The following ADGRF5 variants were observed in gnomAD, a reference collection of about 807,000 sequenced individuals.
ADGRF5 encodes G-protein coupled receptor 116.
A neutral mutation model predicts 132.3 loss-of-function variants in ADGRF5; 75 were observed. The observed-to-expected ratio is 0.57, with a 90% CI of 0.47 to 0.69. The LOEUF is 0.69. Among genes scored for constraint, ADGRF5 ranks in the 30% least tolerant of loss-of-function variants. The pLI, the probability that ADGRF5 is intolerant of heterozygous loss-of-function variation, is 0.00. For missense variants in ADGRF5, 1,516 were observed against 1,630.6 expected, an observed-to-expected ratio of 0.93 and a Z score of 1.21; for synonymous variants, 629 against 597.6, an observed-to-expected ratio of 1.05 and a Z score of -0.77.
At chr6:46,877,126 AT>A (rs1271413879) in intron 10 of ADGRF5, among the ~76,000 whole-genome samples, 1 of 152,260 alleles carries the variant, frequency 6.6e-6, no homozygotes, top group Non-Finnish European at 1.5e-5. Context: ...TGACTAGCTC[AT>A]TCCAGTGCTG....
chr6:46,857,464 G>A (rs556900225), intron 17 of ADGRF5, among the ~76,000 whole-genome samples: 1 of 152,140 alleles, frequency 6.6e-6, no homozygotes, highest in Admixed American at 6.5e-5. Context: ...TCTCCATTGG[G>A]TGAAACAGAA....
chr6:46,939,275 G>T (rs1482327509), intron 1 of ADGRF5, among the ~76,000 whole-genome samples: 3 of 152,130 alleles, frequency 2.0e-5, no homozygotes, highest in Admixed American at 6.6e-5. Context: ...AACATGGTTC[G>T]TTGAGTGGCC....
chr6:46,922,370 G>A (rs1250161002), upstream of ADGRF5, among the ~76,000 whole-genome samples: 3 of 152,200 alleles, frequency 2.0e-5, no homozygotes, highest in Non-Finnish European at 4.4e-5. Flanking sequence ...CCCCGCGGGA[G>A]GGCTGTACCT....
chr6:46,865,307 G>A, intron 13 of ADGRF5, 110 bp from the exon 14 acceptor site: 1 of 723,806 alleles, frequency 1.4e-6, no homozygotes, highest in South Asian at 1.9e-5. Context: ...CCCGAGGAAT[G>A]TGCCACATTC....
intron 1 of ADGRF5, among the ~76,000 whole-genome samples, chr6:46,907,000 C>CTGAGAATG (rs1325615214): frequency 1.3e-5 from 2 of 152,136 alleles, no homozygotes; most frequent in Non-Finnish European, 2.9e-5. Context: ...GGTTGATAGG[C>CTGAGAATG]TGAGAATGGT....
At chr6:46,904,633 T>C (rs1197575218) in intron 2 of ADGRF5, among the ~76,000 whole-genome samples, 2 of 152,196 alleles carry the variant, frequency 1.3e-5, no homozygotes, top group Non-Finnish European at 2.9e-5. Context: ...TGTACAATAA[T>C]GTGAATATAC....
intron 1 of ADGRF5, among the ~76,000 whole-genome samples, chr6:46,932,566 A>C (rs1450987589): frequency 1.3e-5 from 2 of 152,166 alleles, no homozygotes; most frequent in African/African-American, 2.4e-5. Context: ...GAGCTCCCCC[A>C]TGCCACAACC....
At chr6:46,896,973 C>T (rs1676440064) in intron 3 of ADGRF5, among the ~76,000 whole-genome samples, 1 of 151,872 alleles carries the variant, frequency 6.6e-6, no homozygotes, top group South Asian at 2.1e-4. Flanking sequence ...AGGTTATATG[C>T]AAATTGACAC....
upstream of ADGRF5, among the ~76,000 whole-genome samples, chr6:46,925,665 G>A (rs1777211371): frequency 6.6e-6 from 1 of 152,232 alleles, no homozygotes; most frequent in African/African-American, 2.4e-5. Context: ...GCTGAGGAAG[G>A]AGAATTGCTT....
At chr6:46,914,057 T>C (rs1776215381) in intron 1 of ADGRF5, among the ~76,000 whole-genome samples, 1 of 152,176 alleles carries the variant, frequency 6.6e-6, no homozygotes, top group South Asian at 2.1e-4. Flanking sequence ...TGAAAATAGA[T>C]GAGCACATAC....
chr6:46,928,404 T>A (rs1777362918), intron 1 of ADGRF5, among the ~76,000 whole-genome samples: 1 of 152,090 alleles, frequency 6.6e-6, no homozygotes, highest in South Asian at 2.1e-4. Context: ...GTGACTAAAG[T>A]CATATTTACA....
At chr6:46,885,602 C>T (rs138929973) in intron 4 of ADGRF5, among the ~76,000 whole-genome samples, 325 of 152,302 alleles carry the variant, frequency 2.1e-3, no homozygotes, top group African/African-American at 7.1e-3. Flanking sequence ...CATCTCTGGG[C>T]CTATGTACCA....
upstream of ADGRF5, among the ~76,000 whole-genome samples, chr6:46,924,997 T>G (rs1222897118): frequency 6.6e-6 from 1 of 152,230 alleles, no homozygotes; most frequent in Admixed American, 6.5e-5. Flanking sequence ...TTGTCACTTA[T>G]AGTCTGTTCT....
chr6:46,918,316 T>C (rs1402460801), intron 1 of ADGRF5, among the ~76,000 whole-genome samples: 1 of 152,214 alleles, frequency 6.6e-6, no homozygotes, highest in Non-Finnish European at 1.5e-5. Context: ...TAGTCCTCTC[T>C]ATCAAGGAGA....
intron 7 of ADGRF5, 114 bp from the exon 8 acceptor site, chr6:46,881,711 A>C: frequency 1.2e-6 from 1 of 824,318 alleles, no homozygotes; most frequent in Non-Finnish European, 1.9e-6. Context: ...TGCAGCATGC[A>C]AATCTATGGA....
At chr6:46,860,918 A>T (rs186459338) in intron 15 of ADGRF5, 24 bp from the exon 16 acceptor site, 1 of 1,563,842 alleles carries the variant, frequency 6.4e-7, no homozygotes, top group Non-Finnish European at 8.7e-7. Context: ...AGCCAACACA[A>T]AAAAAAATTT....
chr6:46,881,749 A>G (rs1772494028), intron 7 of ADGRF5, 152 bp from the exon 8 acceptor site: 1 of 655,326 alleles, frequency 1.5e-6, no homozygotes, highest in Non-Finnish European at 2.6e-6. Flanking sequence ...ATCTTCTGGA[A>G]GAAAGACATC....
chr6:46,925,589 C>G (rs1284020190), upstream of ADGRF5, among the ~76,000 whole-genome samples: 1 of 152,082 alleles, frequency 6.6e-6, no homozygotes, highest in Non-Finnish European at 1.5e-5. Context: ...AACCCTGTCT[C>G]TACTAAAAAA....
chr6:46,915,607 G>T (rs1370847734), intron 1 of ADGRF5, among the ~76,000 whole-genome samples: 3 of 152,044 alleles, frequency 2.0e-5, no homozygotes, highest in South Asian at 2.1e-4. Context: ...TCTGAGAAAT[G>T]GCTTTGCTGT....
Sources: allele counts gnomAD v4.1 joint callset (sites outside exome capture counted in the v4.1 genomes callset), GRCh38; gene constraint gnomAD v4.1.1; transcripts MANE v1.5; gene names NCBI Gene and HGNC (gene_info 2026-07-23, HGNC 2026-07-21).